Variants in SGCD observed in about 807,000 individuals in gnomAD.
SGCD encodes the protein sarcoglycan delta.
In SGCD, 18 loss-of-function variants were observed where a neutral mutation model predicts 36.6. The ratio of observed to expected loss-of-function variants is 0.49; its 90% confidence interval spans 0.34 to 0.73. The LOEUF (loss-of-function observed/expected upper bound fraction) is 0.73. SGCD is among the 30% of genes least tolerant of loss of function. SGCD has a pLI of 0.01. For synonymous variants in SGCD, 133 were observed against 130.6 expected (o/e 1.02, Z -0.12); for missense variants, 387 against 346.7 (o/e 1.12, Z -0.92).
chr5:155,933,159 C>T (rs1029320962), intron 1 of SGCD, among the ~76,000 whole-genome samples: 1 of 152,194 alleles, frequency 6.6e-6, no homozygotes, highest in African/African-American at 2.4e-5. Context: ...CTTATCCTCT[C>T]TTTTCTCTAG....
intron 1 of SGCD, among the ~76,000 whole-genome samples, chr5:155,902,918 G>C (rs1756421998): frequency 6.6e-6 from 1 of 152,086 alleles, no homozygotes; most frequent in Non-Finnish European, 1.5e-5. Flanking sequence ...CATTTGCTAG[G>C]ACTTTATAGA....
At chr5:156,375,303 A>C (rs1298831067) in intron 3 of SGCD, among the ~76,000 whole-genome samples, 1 of 152,108 alleles carries the variant, frequency 6.6e-6, no homozygotes, top group African/African-American at 2.4e-5. Flanking sequence ...CAATAATAAA[A>C]TCTCAGGACA....
rs10038357 is a variant in SGCD at position 156,100,136 on chromosome 5, G to A, written c.-281-17742G>A. 2.1e-3 allele frequency among the ~76,000 whole-genome samples: 317 copies of A among 152,180 alleles called. 2 individuals are homozygous for A. The highest frequency in any genetic ancestry group is 7.5e-3 in the African/African-American group (310 of 41,524). ...ACGACAAAAATATGAGGCTGGTGGT[G>A]GTAATCTAAAACAATTGTTTGTTCA... On this transcript the variant is annotated intron_variant, in intron 1 of 9. Transcript: ENST00000517913.
chr5:155,991,608 G>T (rs1307433943), intron 1 of SGCD, among the ~76,000 whole-genome samples: 1 of 152,218 alleles, frequency 6.6e-6, no homozygotes, highest in Non-Finnish European at 1.5e-5. Flanking sequence ...TGTCTAGAAA[G>T]AAACTCTTTT....
At chr5:156,078,207 C>T (rs898634599) in intron 1 of SGCD, among the ~76,000 whole-genome samples, 1 of 151,644 alleles carries the variant, frequency 6.6e-6, no homozygotes, top group African/African-American at 2.4e-5. Context: ...TGTGAATTCC[C>T]ATGCAGTTGT....
intron 7 of SGCD, among the ~76,000 whole-genome samples, chr5:156,672,811 A>G (rs1410029773): frequency 6.6e-6 from 1 of 152,154 alleles, no homozygotes; most frequent in African/African-American, 2.4e-5. Context: ...CGTAGGCTTT[A>G]GATATCCTGC....
At chr5:155,837,209 G>T in the SGCD span, among the ~76,000 whole-genome samples, 1 of 152,010 alleles carries the variant, frequency 6.6e-6, no homozygotes, top group Non-Finnish European at 1.5e-5. Context: ...CCAAGCTGGA[G>T]TGCAGTGGCA....
intron 1 of SGCD, among the ~76,000 whole-genome samples, chr5:155,891,855 A>C (rs911680184): frequency 6.6e-6 from 1 of 152,090 alleles, no homozygotes; most frequent in Admixed American, 6.5e-5. Flanking sequence ...CTTAGCTTCT[A>C]CTGGCTGTGA....
At chr5:156,728,547 C>T (rs1440648422) in intron 7 of SGCD, among the ~76,000 whole-genome samples, 1 of 142,430 alleles carries the variant, frequency 7.0e-6, no homozygotes, top group Non-Finnish European at 1.5e-5. Context: ...GGTAGAGTCA[C>T]TGCACATGCT....
At chr5:156,006,752 A>G (rs772828684) in intron 1 of SGCD, among the ~76,000 whole-genome samples, 5 of 152,154 alleles carry the variant, frequency 3.3e-5, no homozygotes, top group Non-Finnish European at 5.9e-5. Context: ...ATGTTAATCT[A>G]TTGTATAGGG....
At chr5:156,267,961 A>AT (rs1244249640) in intron 3 of SGCD, among the ~76,000 whole-genome samples, 1 of 152,006 alleles carries the variant, frequency 6.6e-6, no homozygotes, top group Non-Finnish European at 1.5e-5. Flanking sequence ...CCCAATAGTT[A>AT]TTTTTTCCAT....
At chr5:156,501,692 G>A (rs1231843750) in intron 3 of SGCD, among the ~76,000 whole-genome samples, 3 of 152,166 alleles carry the variant, frequency 2.0e-5, no homozygotes, top group Non-Finnish European at 4.4e-5. Context: ...GAAAGTAATA[G>A]GATTTGCTCT....
chr5:155,868,344 A>C (rs1755566034), upstream of SGCD, among the ~76,000 whole-genome samples: 1 of 146,340 alleles, frequency 6.8e-6, no homozygotes. Flanking sequence ...GAGCTACTGT[A>C]TCCAGCCCTT....
At chr5:156,278,273 A>G (rs1047849711) in intron 3 of SGCD, among the ~76,000 whole-genome samples, 3 of 152,166 alleles carry the variant, frequency 2.0e-5, no homozygotes, top group Non-Finnish European at 2.9e-5. Flanking sequence ...AGCCTTGGGC[A>G]TGTTCTAAAG....
intron 1 of SGCD, among the ~76,000 whole-genome samples, chr5:156,087,613 C>T (rs940974090): frequency 2.1e-5 from 3 of 144,900 alleles, no homozygotes; most frequent in African/African-American, 7.7e-5. Context: ...GCACTCCAGC[C>T]TGGGTGACAA....
At chr5:156,010,903 T>C (rs181273618) in intron 1 of SGCD, among the ~76,000 whole-genome samples, 58 of 152,342 alleles carry the variant, frequency 3.8e-4, no homozygotes, top group Admixed American at 3.1e-3. Context: ...ATTACTGATA[T>C]ATATTGTTAT....
At chr5:155,757,932 C>A in the SGCD span, among the ~76,000 whole-genome samples, 1 of 152,054 alleles carries the variant, frequency 6.6e-6, no homozygotes, top group Non-Finnish European at 1.5e-5. Flanking sequence ...GGGAGTTTCC[C>A]TGCACAAGCT....
intron 3 of SGCD, among the ~76,000 whole-genome samples, chr5:156,231,804 A>G (rs1238478429): frequency 2.6e-5 from 4 of 152,114 alleles, no homozygotes; most frequent in Non-Finnish European, 5.9e-5. Context: ...TATAACATAG[A>G]TCTGCCACTC....
intron 3 of SGCD, among the ~76,000 whole-genome samples, chr5:156,507,781 C>T (rs1363777297): frequency 6.6e-6 from 1 of 151,374 alleles, no homozygotes; most frequent in African/African-American, 2.5e-5. Flanking sequence ...GAGAAAATGA[C>T]TGACTGGAAA....
Sources: allele counts gnomAD v4.1 joint callset (sites outside exome capture counted in the v4.1 genomes callset), GRCh38; gene constraint gnomAD v4.1.1; transcripts MANE v1.5; gene names NCBI Gene and HGNC (gene_info 2026-07-23, HGNC 2026-07-21).